IL31RA: variants seen among roughly 807,000 people sequenced by gnomAD.
The protein encoded by IL31RA is interleukin-31 receptor subunit alpha.
In IL31RA, 66 loss-of-function variants were observed where a neutral mutation model predicts 83.7. That is an observed-to-expected ratio of 0.79 (90% CI 0.65 to 0.97). IL31RA has a LOEUF of 0.97. Among genes scored for constraint, IL31RA ranks in the 50% least tolerant of loss-of-function variants. The pLI, the probability that IL31RA is intolerant of heterozygous loss-of-function variation, is 0.00. For missense variants in IL31RA, 798 were observed against 919.4 expected, an observed-to-expected ratio of 0.87 and a Z score of 1.71; for synonymous variants, 325 against 329.0, an observed-to-expected ratio of 0.99 and a Z score of 0.13.
chr5:55,846,661 G>A (rs1335084620), upstream of IL31RA, among the ~76,000 whole-genome samples: 1 of 152,144 alleles, frequency 6.6e-6, no homozygotes, highest in East Asian at 1.9e-4. Flanking sequence ...GCCAAGCTTG[G>A]TGTCGTGCGC....
At chr5:55,867,427 A>G (rs1342837863) in intron 2 of IL31RA, among the ~76,000 whole-genome samples, 1 of 152,124 alleles carries the variant, frequency 6.6e-6, no homozygotes, top group East Asian at 1.9e-4. Flanking sequence ...AATAAATAGC[A>G]TTACAAAGAT....
chr5:55,863,816 C>T (rs1350409850), intron 2 of IL31RA, among the ~76,000 whole-genome samples: 8 of 152,204 alleles, frequency 5.3e-5, no homozygotes, highest in East Asian at 1.9e-4. Context: ...TGACACTTAA[C>T]GGTTCTGAAA....
chr5:55,867,792 AAG>A (rs1438733119), intron 2 of IL31RA, among the ~76,000 whole-genome samples: 11 of 152,284 alleles, frequency 7.2e-5, no homozygotes, highest in Admixed American at 7.2e-4. Flanking sequence ...GAAAATGAGA[AAG>A]AAGTAAAAGC....
Position 55,910,533 on chromosome 5 carries a change from C to T in IL31RA, c.1503C>T (p.Ser501=). The T allele has an allele frequency of 1.2e-6, 2 of 1,614,056 alleles. No individual in the cohort carries two copies. Among genetic ancestry groups the T allele is most frequent in the Non-Finnish European group, 8.5e-7 (1 of 1,180,002 alleles). ...TTGACCTTTGTATTTTTCCTTTAGC[C>T]AAGACAGTCAATTCCAGCATCTTGC... ...FYQAEGGKGF[S]KTVNSSILQY... The change falls in exon 12 of 15, where the codon TCC becomes TCT. Residue 501 remains serine, a splice_region_variant and synonymous_variant. Coordinates refer to ENST00000652347, the MANE Select transcript of IL31RA (RefSeq NM_139017.7).
chr5:55,851,838 G>A (rs1004596453), intron 1 of IL31RA, among the ~76,000 whole-genome samples: 1 of 152,162 alleles, frequency 6.6e-6, no homozygotes, highest in Admixed American at 6.5e-5. Context: ...ATCTTTACCA[G>A]TTCAGTTATG....
chr5:55,874,716 C>T (rs138093768), intron 4 of IL31RA, among the ~76,000 whole-genome samples: 95 of 152,066 alleles, frequency 6.2e-4, no homozygotes, highest in Admixed American at 5.2e-3. Context: ...TTTTGTATAT[C>T]GATTTGGTAA....
At chr5:55,882,896 A>C (rs1747330708) in intron 4 of IL31RA, 148 bp from the exon 5 acceptor site, 12 of 703,186 alleles carry the variant, frequency 1.7e-5, no homozygotes, top group Non-Finnish European at 3.0e-5. Context: ...GGGGGGTGAC[A>C]TTCCTTTTGT....
At position 55,889,988 on chromosome 5, in the gene IL31RA, A is replaced by T; in HGVS notation, c.625A>T (p.Lys209Ter). 6.2e-7 allele frequency: 1 copy of T among 1,614,148 alleles called. No homozygotes were observed. The highest frequency in any genetic ancestry group is 8.5e-7 in the Non-Finnish European group (1 of 1,179,972). The part of the protein sequence containing the change: ...STSWMEVNFA[K>*]NRKDKNQTYN... ...CTTGTAGATGGAAGTCAACTTCGCT[A>T]AGAACCGTAAGGATAAAAACCAAAC... Residue 209 changes from lysine (K) to a stop codon, truncating the protein, a stop_gained, in exon 6 of 15, where the codon AAG (lysine) becomes TAG (stop). Coordinates refer to ENST00000652347, the MANE Select transcript of IL31RA (RefSeq NM_139017.7). LOFTEE classifies it high-confidence loss of function.
At chr5:55,869,600 A>G (rs1580672966) in intron 3 of IL31RA, among the ~76,000 whole-genome samples, 2 of 152,042 alleles carry the variant, frequency 1.3e-5, no homozygotes, top group Non-Finnish European at 2.9e-5. Flanking sequence ...CAGCCTCCCA[A>G]GTAGCTGGAA....
At chr5:55,849,695 C>T (rs142013447), upstream of IL31RA, among the ~76,000 whole-genome samples, 11 of 152,294 alleles carry the variant, frequency 7.2e-5, no homozygotes, top group African/African-American at 2.2e-4. Flanking sequence ...CCTCCTTGAG[C>T]CTGGCGTCTG....
chr5:55,911,047 A>G (rs1749472948), intron 12 of IL31RA, among the ~76,000 whole-genome samples: 1 of 152,194 alleles, frequency 6.6e-6, no homozygotes, highest in South Asian at 2.1e-4. Flanking sequence ...TACGGTATGT[A>G]TTAGTCTGTT....
In IL31RA at chr5:55,910,778, G is replaced by A. The variant is rs1749460052; in HGVS notation, c.1642+106G>A. 4.1e-6 allele frequency: 5 copies of A among 1,219,166 alleles called. No homozygotes were observed. The East Asian group carries it at 1.2e-4, about 28-fold the overall frequency. 75.5% of individuals were successfully genotyped at this position (1,219,166 alleles called of 1,614,324 possible). ...GGAGGAAGCCAAATGAAAGGGCAGT[G>A]CCTAGTGCCCTGCCATCCTGCTCTC... On this transcript the variant is annotated intron_variant, in intron 12 of 14. Transcript: ENST00000652347.
chr5:55,864,964 C>T (rs1311244011), intron 2 of IL31RA, among the ~76,000 whole-genome samples: 2 of 152,112 alleles, frequency 1.3e-5, no homozygotes, highest in African/African-American at 4.8e-5. Context: ...GCCATGGAGA[C>T]AGGGAGTGAG....
chr5:55,890,228 A>G (rs1747902964), intron 6 of IL31RA, 93 bp downstream of exon 6: 18 of 1,300,844 alleles, frequency 1.4e-5, no homozygotes, highest in Non-Finnish European at 1.9e-5. Flanking sequence ...CTGGTTGGGA[A>G]TCATGGAATC....
intron 4 of IL31RA, among the ~76,000 whole-genome samples, chr5:55,872,950 T>C (rs1746622022): frequency 6.6e-6 from 1 of 152,206 alleles, no homozygotes; most frequent in Admixed American, 6.5e-5. Context: ...TTTTAAAATG[T>C]ACAGTTCAGT....
In IL31RA at chr5:55,869,701, G is replaced by A. The variant is rs9292102; in HGVS notation, c.272+793G>A. On this transcript the variant is annotated intron_variant, in intron 3 of 14. Transcript: ENST00000652347. Reference sequence around the variant, plus strand: ...GTTGGCCAGGCTGGTCTCGAACTCCGGACTTCAAGTGATCCGCCCACCTCA... The same window carrying A: ...GTTGGCCAGGCTGGTCTCGAACTCCAGACTTCAAGTGATCCGCCCACCTCA... 2.7e-3 allele frequency among the ~76,000 whole-genome samples: 403 copies of A among 152,044 alleles called. 3 individuals are homozygous for A. Among genetic ancestry groups the A allele is most frequent in the African/African-American group, 9.4e-3 (388 of 41,476 alleles).
At position 55,916,916 on chromosome 5, in the gene IL31RA, C is replaced by T; in HGVS notation, c.2091C>T (p.Pro697=). ...EELPVSPEIP[P]RKSQYLRSRM... is the part of the protein sequence containing the mutation. ...TCCCAGTTTCACCTGAGATTCCGCC[C>T]AGAAAATCCCAATACCTACGTTCGA... is the stretch of plus-strand genomic sequence containing the variant. Residue 697 remains proline, a synonymous_variant, in exon 15 of 15, where the codon CCC becomes CCT. Coordinates refer to ENST00000652347, the MANE Select transcript of IL31RA (RefSeq NM_139017.7). 6.2e-7 allele frequency: 1 copy of T among 1,614,062 alleles called. No homozygotes were observed. The highest frequency in any genetic ancestry group is 8.5e-7 in the Non-Finnish European group (1 of 1,179,946).
intron 14 of IL31RA, among the ~76,000 whole-genome samples, chr5:55,915,757 G>A (rs1027085386): frequency 2.0e-5 from 3 of 152,140 alleles, no homozygotes; most frequent in East Asian, 1.9e-4. Flanking sequence ...CTTATTAAAT[G>A]TCATTTAGAG....
chr5:55,886,654 A>G (rs1580701182), intron 5 of IL31RA, among the ~76,000 whole-genome samples: 2 of 152,256 alleles, frequency 1.3e-5, no homozygotes, highest in East Asian at 3.9e-4. Context: ...CCAACCTTCT[A>G]TCAAAGATTT....
Sources: gnomAD v4.1 joint callset for allele counts (sites outside exome capture counted in the v4.1 genomes callset) on GRCh38, gnomAD v4.1.1 for gene constraint, MANE v1.5 for transcripts, NCBI Gene and HGNC (gene_info 2026-07-23, HGNC 2026-07-21) for gene names.